PRKCB: variants seen among roughly 807,000 people sequenced by gnomAD.
PRKCB encodes the protein protein kinase C beta type.
A neutral mutation model predicts 81.5 loss-of-function variants in PRKCB; 13 were observed. The observed-to-expected ratio is 0.16, with a 90% CI of 0.10 to 0.25. PRKCB has a LOEUF of 0.25. Among genes scored for constraint, PRKCB ranks in the 10% least tolerant of loss-of-function variants. The pLI is 1.00. For missense variants in PRKCB, 509 were observed against 875.7 expected (o/e 0.58, Z 5.29); for synonymous variants, 335 against 321.4 (o/e 1.04, Z -0.45).
At chr16:23,998,632 G>A (rs572106772) in intron 3 of PRKCB, among the ~76,000 whole-genome samples, 8 of 152,290 alleles carry the variant, frequency 5.3e-5, no homozygotes, top group Admixed American at 1.3e-4. Context: ...CTACTTGATA[G>A]CATTGTTATG....
intron 10 of PRKCB, among the ~76,000 whole-genome samples, chr16:24,159,375 C>T (rs1967220235): frequency 6.6e-6 from 1 of 152,120 alleles, no homozygotes; most frequent in Admixed American, 6.5e-5. Flanking sequence ...TGAGTTGCCA[C>T]CAAAATGGCC....
At chr16:24,206,566 T>G (rs1968049180) in intron 16 of PRKCB, among the ~76,000 whole-genome samples, 1 of 152,162 alleles carries the variant, frequency 6.6e-6, no homozygotes, top group Non-Finnish European at 1.5e-5. Context: ...CCATGCCCTC[T>G]TTTTACCTCC....
At chr16:24,074,683 G>A (rs1966156492) in intron 5 of PRKCB, among the ~76,000 whole-genome samples, 1 of 152,186 alleles carries the variant, frequency 6.6e-6, no homozygotes, top group Non-Finnish European at 1.5e-5. Context: ...TAAGATCTGC[G>A]TTCTGGGAAG....
intron 2 of PRKCB, among the ~76,000 whole-genome samples, chr16:23,968,160 A>C (rs1964512619): frequency 6.6e-6 from 1 of 151,938 alleles, no homozygotes; most frequent in Admixed American, 6.6e-5. Flanking sequence ...AGATGATGGA[A>C]TCTAGGTTCA....
intron 9 of PRKCB, among the ~76,000 whole-genome samples, chr16:24,137,003 G>A (rs1298892975): frequency 9.2e-5 from 14 of 151,658 alleles, no homozygotes; most frequent in Admixed American, 2.6e-4. Flanking sequence ...TCAGCTTCCC[G>A]AGTAGCTGGG....
rs1360641057 is a variant in PRKCB, at chr16:24,172,336, G to A, written c.1306G>A (p.Gly436Ser). Residue 436 changes from glycine (G) to serine (S), a missense_variant, in exon 11 of 17, where the codon GGC (glycine) becomes AGC (serine). By Grantham distance (56) the Gly-to-Ser change is moderately conservative. Coordinates refer to ENST00000643927, the MANE Select transcript of PRKCB (RefSeq NM_002738.7). ...GDLMYHIQQV[G>S]RFKEPHAVFY... ...CCTCATGTATCACATCCAGCAAGTC[G>A]GCCGGTTCAAGGAGCCCCATGCTGT... 3.1e-6 allele frequency: 5 copies of A among 1,613,788 alleles called. No homozygotes were observed. Among genetic ancestry groups the A allele is most frequent in the Non-Finnish European group, 4.2e-6 (5 of 1,179,942 alleles).
In PRKCB at chr16:24,133,229, CAT is replaced by C. The variant is rs201530547; in HGVS notation, c.1065+9249_1065+9250del. Among the ~76,000 whole-genome samples the C allele has an allele frequency of 1.2e-4, 19 of 152,196 alleles. No individual in the cohort carries two copies. In the East Asian group the frequency reaches 3.3e-3, roughly 26 times the overall value. On this transcript the variant is annotated intron_variant, in intron 9 of 16. Coordinates refer to ENST00000643927, the MANE Select transcript of PRKCB (RefSeq NM_002738.7). ...AAAAGCAAAAAACAAAAAAAAATTGCATGCCTTATTTTCAGTGTAAGTTGCTG... is the reference window on the plus strand; with the variant it reads ...AAAAGCAAAAAACAAAAAAAAATTGCGCCTTATTTTCAGTGTAAGTTGCTG...
intron 2 of PRKCB, among the ~76,000 whole-genome samples, chr16:23,845,499 G>A (rs1297902179): frequency 2.0e-5 from 3 of 152,106 alleles, no homozygotes; most frequent in Non-Finnish European, 4.4e-5. Flanking sequence ...TATGCAACAG[G>A]GCTGAAGGCA....
At chr16:23,926,359 C>T (rs995266483) in intron 2 of PRKCB, among the ~76,000 whole-genome samples, 1 of 151,918 alleles carries the variant, frequency 6.6e-6, no homozygotes, top group Non-Finnish European at 1.5e-5. Context: ...TGGCGGGTGC[C>T]TGTAGTCCCA....
intron 5 of PRKCB, among the ~76,000 whole-genome samples, chr16:24,062,171 C>T (rs1387325281): frequency 6.6e-6 from 1 of 152,240 alleles, no homozygotes; most frequent in Non-Finnish European, 1.5e-5. Context: ...AACATTCTTT[C>T]TCTCAATTTT....
At chr16:23,934,444 G>A (rs903705018) in intron 2 of PRKCB, among the ~76,000 whole-genome samples, 2 of 152,060 alleles carry the variant, frequency 1.3e-5, no homozygotes, top group Non-Finnish European at 2.9e-5. Context: ...AAGGGCCAGG[G>A]TATGTTTTCA....
chr16:24,200,674 T>C (rs1967944412), intron 16 of PRKCB, among the ~76,000 whole-genome samples: 1 of 152,172 alleles, frequency 6.6e-6, no homozygotes, highest in Admixed American at 6.5e-5. Context: ...TATGCGTGCA[T>C]GTGTGTGCAT....
At chr16:24,154,944 G>C in intron 10 of PRKCB, 87 bp downstream of exon 10, 2 of 1,429,640 alleles carry the variant, frequency 1.4e-6, no homozygotes, top group Non-Finnish European at 1.9e-6. Context: ...CCAGCACAGA[G>C]ATACCTGCAC....
At chr16:23,997,051 C>A (rs1463400637) in intron 3 of PRKCB, among the ~76,000 whole-genome samples, 1 of 152,210 alleles carries the variant, frequency 6.6e-6, no homozygotes, top group African/African-American at 2.4e-5. Context: ...ACTTTATGCT[C>A]TCCCAGCATG....
intron 2 of PRKCB, among the ~76,000 whole-genome samples, chr16:23,860,396 G>A (rs547153321): frequency 6.6e-6 from 1 of 152,168 alleles, no homozygotes; most frequent in East Asian, 1.9e-4. Context: ...TGAGGATGAG[G>A]TGCCTGTGCC....
intron 3 of PRKCB, among the ~76,000 whole-genome samples, chr16:24,005,495 G>A (rs142756914): frequency 2.0e-5 from 3 of 152,150 alleles, no homozygotes; most frequent in East Asian, 1.9e-4. Flanking sequence ...AGTTCAGTGA[G>A]GACCAAACTT....
chr16:23,919,174 T>C (rs1034018210), intron 2 of PRKCB, among the ~76,000 whole-genome samples: 5 of 152,210 alleles, frequency 3.3e-5, no homozygotes, highest in Non-Finnish European at 5.9e-5. Context: ...TTCATCACAG[T>C]GTGATGTAAG....
At chr16:23,935,803 A>T (rs1166866843) in intron 2 of PRKCB, among the ~76,000 whole-genome samples, 1 of 152,174 alleles carries the variant, frequency 6.6e-6, no homozygotes, top group Non-Finnish European at 1.5e-5. Context: ...GCATATTCTC[A>T]CTGATAAGGG....
rs147790183 is a variant in PRKCB, at chr16:24,097,176, A to G, written c.821+2879A>G. ...CTCAGCCTCCCGAGTAGCTGGGACTACAGGTGCCCGCCACCACGCCCAGCT... is the reference window on the plus strand; with the variant it reads ...CTCAGCCTCCCGAGTAGCTGGGACTGCAGGTGCCCGCCACCACGCCCAGCT... On this transcript the variant is annotated intron_variant, in intron 7 of 16. Transcript: ENST00000643927. Among the ~76,000 whole-genome samples the G allele has an allele frequency of 8.1e-3, 1,226 of 151,800 alleles. 6 individuals are homozygous for G. The highest frequency in any genetic ancestry group is 0.024 in the Middle Eastern group (7 of 294).
Sources: gnomAD v4.1 joint callset for allele counts (sites outside exome capture counted in the v4.1 genomes callset) on GRCh38, gnomAD v4.1.1 for gene constraint, MANE v1.5 for transcripts, NCBI Gene and HGNC (gene_info 2026-07-23, HGNC 2026-07-21) for gene names.